The following IL1RAPL2 variants were observed in gnomAD, a reference collection of about 807,000 sequenced individuals.
IL1RAPL2 encodes X-linked interleukin-1 receptor accessory protein-like 2.
In IL1RAPL2, 3 loss-of-function variants were observed where a neutral mutation model predicts 44.1. The ratio of observed to expected loss-of-function variants is 0.07; its 90% CI spans 0.03 to 0.18. IL1RAPL2 has a LOEUF of 0.18. IL1RAPL2 is among the 10% of genes least tolerant of loss of function. The probability of loss-of-function intolerance (pLI) is 1.00; values close to 1 mark genes in which losing one functional copy is unlikely to be tolerated. For missense variants in IL1RAPL2, 391 were observed against 496.4 expected, an observed-to-expected ratio of 0.79 and a Z score of 2.02; for synonymous variants, 181 against 178.8, an observed-to-expected ratio of 1.01 and a Z score of -0.10.
chrX:105,039,683 C>T (rs897127017), intron 2 of IL1RAPL2, among the ~76,000 whole-genome samples: 5 of 109,796 alleles, frequency 4.6e-5, no homozygotes, highest in Non-Finnish European at 7.7e-5. Context: ...GGATCTCTAT[C>T]TGTTATCGGT....
chrX:104,890,648 T>A (rs1009742964), intron 2 of IL1RAPL2, among the ~76,000 whole-genome samples: 1 of 112,387 alleles, frequency 8.9e-6, no homozygotes, highest in African/African-American at 3.2e-5. Context: ...TGGGATTGTC[T>A]GTTTTTTTCT....
chrX:104,927,732 G>A (rs1213549069), intron 2 of IL1RAPL2, among the ~76,000 whole-genome samples: 5 of 111,823 alleles, frequency 4.5e-5, no homozygotes, highest in Non-Finnish European at 7.5e-5. Flanking sequence ...GTGGCCTGCC[G>A]TAGAAACATT....
At chrX:104,739,821 C>A (rs1330031896) in intron 2 of IL1RAPL2, among the ~76,000 whole-genome samples, 1 of 111,710 alleles carries the variant, frequency 9.0e-6, no homozygotes, top group Non-Finnish European at 1.9e-5. Flanking sequence ...ATTTTTCCAT[C>A]TTGTATATTT....
chrX:105,181,018 T>G (rs1344222331), intron 2 of IL1RAPL2, among the ~76,000 whole-genome samples: 1 of 112,207 alleles, frequency 8.9e-6, no homozygotes, highest in Non-Finnish European at 1.9e-5. Context: ...CTACTCATTA[T>G]TGTTCTATTC....
At chrX:104,594,053 C>T (rs989914123) in intron 1 of IL1RAPL2, among the ~76,000 whole-genome samples, 1 of 111,998 alleles carries the variant, frequency 8.9e-6, no homozygotes, top group African/African-American at 3.2e-5. Flanking sequence ...CCTGCCTTCC[C>T]CCCAACAAAT....
chrX:105,075,795 A>T (rs2032288967), intron 2 of IL1RAPL2, among the ~76,000 whole-genome samples: 1 of 111,731 alleles, frequency 9.0e-6, no homozygotes, highest in African/African-American at 3.3e-5. Context: ...CGAGGAATTT[A>T]TCCATTTCTT....
intron 6 of IL1RAPL2, among the ~76,000 whole-genome samples, chrX:105,501,907 G>A (rs1332122533): frequency 9.0e-6 from 1 of 111,596 alleles, no homozygotes; most frequent in African/African-American, 3.3e-5. Context: ...AGAACAGAAA[G>A]TAGCGCACAT....
chrX:105,477,289 C>G (rs1414325872), intron 5 of IL1RAPL2, among the ~76,000 whole-genome samples: 2 of 111,395 alleles, frequency 1.8e-5, no homozygotes. Context: ...GGATAATCAT[C>G]TAAATTACGG....
intron 2 of IL1RAPL2, among the ~76,000 whole-genome samples, chrX:104,750,973 A>T (rs1420414646): frequency 9.0e-6 from 1 of 111,434 alleles, no homozygotes; most frequent in Non-Finnish European, 1.9e-5. Context: ...TTCTTCATAT[A>T]TAAGAGGAAG....
intron 8 of IL1RAPL2, 53 bp downstream of exon 8, chrX:105,740,744 G>A (rs2038493250): frequency 9.4e-7 from 1 of 1,058,559 alleles, no homozygotes; most frequent in African/African-American, 1.9e-5. Flanking sequence ...AACAACTATT[G>A]AAGTTAGAGA....
intron 1 of IL1RAPL2, among the ~76,000 whole-genome samples, chrX:104,622,587 T>G (rs766869398): frequency 9.0e-6 from 1 of 111,184 alleles, no homozygotes; most frequent in Non-Finnish European, 1.9e-5. Flanking sequence ...ATGGGTTGCA[T>G]CTGAGCTTTT....
At chrX:105,593,028 AG>A (rs1208362369) in intron 6 of IL1RAPL2, among the ~76,000 whole-genome samples, 1 of 112,167 alleles carries the variant, frequency 8.9e-6, no homozygotes, top group Non-Finnish European at 1.9e-5. Context: ...TATATTTTCT[AG>A]GTTACTTGCT....
chrX:105,225,223 G>A (rs113356071), intron 3 of IL1RAPL2, among the ~76,000 whole-genome samples: 9 of 111,763 alleles, frequency 8.1e-5, no homozygotes, highest in African/African-American at 2.9e-4. Context: ...CTTTTTTCTT[G>A]AGTAGGTTTC....
intron 5 of IL1RAPL2, among the ~76,000 whole-genome samples, chrX:105,456,863 A>G (rs1205438495): frequency 9.0e-6 from 1 of 110,997 alleles, no homozygotes; most frequent in Admixed American, 9.6e-5. Flanking sequence ...AATTTTAGAC[A>G]TTTGTACTAT....
At chrX:104,901,199 C>CTTTTTTTTTTTTTTTTT (rs1194148816) in intron 2 of IL1RAPL2, among the ~76,000 whole-genome samples, 1 of 32,115 alleles carries the variant, frequency 3.1e-5, no homozygotes, top group African/African-American at 1.3e-4. Context: ...TCTTTTGCTT[C>CTTTTTTTTTTTTTTTTT]TTTTTTTTTT....
intron 6 of IL1RAPL2, among the ~76,000 whole-genome samples, chrX:105,694,627 C>G (rs896964819): frequency 9.0e-6 from 1 of 110,933 alleles, no homozygotes; most frequent in South Asian, 3.9e-4. Context: ...TATCCCTTCC[C>G]CTTCCTCATC....
At chrX:105,123,206 A>G (rs1238556608) in intron 2 of IL1RAPL2, among the ~76,000 whole-genome samples, 1 of 111,146 alleles carries the variant, frequency 9.0e-6, no homozygotes, top group East Asian at 2.8e-4. Flanking sequence ...ATTAAAAGAT[A>G]AAGATAGAAA....
chrX:104,967,656 G>A (rs750285280), intron 2 of IL1RAPL2, among the ~76,000 whole-genome samples: 5 of 110,813 alleles, frequency 4.5e-5, no homozygotes, highest in South Asian at 3.8e-4. Context: ...ATAGTAGGAC[G>A]TGTACATACA....
intron 2 of IL1RAPL2, among the ~76,000 whole-genome samples, chrX:105,030,372 G>C (rs2031466161): frequency 1.8e-5 from 2 of 111,594 alleles, no homozygotes; most frequent in Admixed American, 1.9e-4. Flanking sequence ...GGTTTTTATG[G>C]TTTTAGGTCT....
Sources: allele counts gnomAD v4.1 joint callset (sites outside exome capture counted in the v4.1 genomes callset), GRCh38; gene constraint gnomAD v4.1.1; transcripts MANE v1.5; gene names NCBI Gene and HGNC (gene_info 2026-07-23, HGNC 2026-07-21).